The following PCDHB14 variants were observed in gnomAD, a reference collection of about 807,000 sequenced individuals.
PCDHB14 encodes protocadherin beta 14, also known as protocadherin beta-14.
For synonymous variants in PCDHB14, 511 were observed against 441.5 expected (o/e 1.16, Z -1.97); for missense variants, 1,129 against 1,000.5 (o/e 1.13, Z -1.73).
Position 141,223,689 on chromosome 5 carries a change from C to T in PCDHB14, c.184C>T (p.Arg62Cys). The change falls in exon 1 of 1, where the codon CGT (arginine) becomes TGT (cysteine). Residue 62 changes from arginine (R) to cysteine (C), a missense_variant. Coordinates refer to ENST00000239449, the MANE Select transcript of PCDHB14 (RefSeq NM_018934.4). The part of the protein sequence containing the change: ...LGLGVEELSS[R>C]EARVVSDDNK... ...GCTGGGGGTGGAGGAGCTGTCTTCA[C>T]GTGAAGCCCGGGTAGTGTCTGATGA... is the stretch of plus-strand genomic sequence containing the variant. 2 of 1,614,056 alleles carry T rather than the reference C, an allele frequency of 1.2e-6. No individual in the cohort carries two copies. The highest frequency in any genetic ancestry group is 1.7e-5 in the Admixed American group (1 of 60,010).
Position 141,224,591 on chromosome 5 carries a change from G to T in PCDHB14, c.1086G>T (p.Glu362Asp). ...ITKRIPENASETLVALFSILD... is the reference protein window; with the variant it reads ...ITKRIPENASDTLVALFSILD... ...AGAGAATTCCAGAGAATGCCTCAGA[G>T]ACCCTAGTAGCTCTTTTTAGTATCC... Residue 362 changes from glutamate to aspartate, a missense_variant, in exon 1 of 1, where the codon GAG (glutamate) becomes GAT (aspartate). Coordinates refer to ENST00000239449, the MANE Select transcript of PCDHB14 (RefSeq NM_018934.4). The T allele has an allele frequency of 6.2e-7, 1 of 1,613,614 alleles. No individual in the cohort carries two copies. Among genetic ancestry groups the T allele is most frequent in the Non-Finnish European group, 8.5e-7 (1 of 1,179,874 alleles).
chr5:141,225,096 G>T lies in PCDHB14; in HGVS notation c.1591G>T (p.Val531Leu), dbSNP rs1441304697. The change falls in exon 1 of 1, where the codon GTG becomes TTG. Residue 531 changes from valine (V) to leucine (L), a missense_variant. Physicochemically the swap from Val to Leu is conservative, Grantham distance 32. Coordinates refer to ENST00000239449, the MANE Select transcript of PCDHB14 (RefSeq NM_018934.4). ...YEALQEFEFR[V>L]GATDRGSPAL... Reference sequence around the variant, plus strand: ...GGCCCTACAGGAGTTCGAGTTTCGCGTGGGCGCCACAGACCGCGGGTCCCC... The same window carrying T: ...GGCCCTACAGGAGTTCGAGTTTCGCTTGGGCGCCACAGACCGCGGGTCCCC... The T allele has an allele frequency of 6.2e-7, 1 of 1,612,194 alleles. No individual in the cohort carries two copies. The highest frequency in any genetic ancestry group is 8.5e-7 in the Non-Finnish European group (1 of 1,179,862).
Position 141,226,051 on chromosome 5 carries a change from T to C in PCDHB14, c.*149T>C. 1 of 735,526 alleles carries C rather than the reference T, an allele frequency of 1.4e-6. No individual in the cohort carries two copies. Among genetic ancestry groups the C allele is most frequent in the Non-Finnish European group, 2.2e-6 (1 of 458,478 alleles). The allele number at this position is 735,526 out of a possible 1,614,324, so 45.6% of individuals were successfully genotyped here. On this transcript the variant is annotated 3_prime_UTR_variant, in exon 1 of 1. Coordinates refer to ENST00000239449, the MANE Select transcript of PCDHB14 (RefSeq NM_018934.4). ...CTCACAGTTTCTTTAAAAATCTTTA[T>C]TAGTGGCTATAATGACGTGGAAATG...
At position 141,223,519 on chromosome 5, in the gene PCDHB14, G is replaced by C. The variant is rs782340335; in HGVS notation, c.14G>C (p.Gly5Ala). MEIR[G>A]ALDLRKRQVL... ...CCTAAAGGAACCATGGAGATCAGAG[G>C]GGCACTCGATCTGCGAAAAAGGCAA... Residue 5 changes from glycine to alanine, a missense_variant, in exon 1 of 1, where the codon GGG (glycine) becomes GCG (alanine). Coordinates refer to ENST00000239449, the MANE Select transcript of PCDHB14 (RefSeq NM_018934.4). 1 of 1,609,332 alleles carries C rather than the reference G, an allele frequency of 6.2e-7. No individual in the cohort carries two copies. The highest frequency in any genetic ancestry group is 1.1e-5 in the South Asian group (1 of 90,468).
In PCDHB14 at chr5:141,224,233, C is replaced by T. The variant is rs782326988; in HGVS notation, c.728C>T (p.Pro243Leu). 18 of 1,613,590 alleles carry T rather than the reference C, an allele frequency of 1.1e-5. No individual in the cohort carries two copies. The highest frequency in any genetic ancestry group is 4.5e-5 in the East Asian group (2 of 44,894). The change falls in exon 1 of 1, where the codon CCT becomes CTT. Residue 243 changes from proline to leucine, a missense_variant. Physicochemically the swap from Pro to Leu is moderately conservative, Grantham distance 98. Transcript: ENST00000239449. ...ATCAATGATAATGCCCCTGAGTTTC[C>T]TCAGAGTCTCTATGAGGTGCAAGTC... ...LDINDNAPEF[P>L]QSLYEVQVPE...
At position 141,226,441 on chromosome 5, in the gene PCDHB14, A is replaced by C. The variant is rs1412904261; in HGVS notation, c.*539A>C. On this transcript the variant is annotated 3_prime_UTR_variant, in exon 1 of 1. Transcript: ENST00000239449. ...TTTATGATGAAACTTAAGTGGTCAC[A>C]TTGGAAATTATTAATTTCTTAAGTA... 6.6e-6 allele frequency: 1 copy of C among 152,518 alleles called. No individual in the cohort carries two copies. 9.4% of individuals were successfully genotyped at this position (152,518 alleles called of 1,614,324 possible).
At position 141,225,019 on chromosome 5, in the gene PCDHB14, C is replaced by T. The variant is rs781879174; in HGVS notation, c.1514C>T (p.Ser505Phe). The T allele has an allele frequency of 1.1e-5, 18 of 1,612,538 alleles. No individual in the cohort carries two copies. The Admixed American group carries it at 3.0e-4, about 27-fold the overall frequency. The change falls in exon 1 of 1, where the codon TCC (serine) becomes TTC (phenylalanine). Residue 505 changes from serine (S) to phenylalanine (F), a missense_variant. By Grantham distance (155) the Ser-to-Phe change is radical (BLOSUM62 -2). Coordinates refer to ENST00000239449, the MANE Select transcript of PCDHB14 (RefSeq NM_018934.4). ...DRHLPLASLV[S>F]INADNGHLFA... ...CACCTGCCCCTCGCCTCCTTGGTCT[C>T]CATCAACGCGGACAATGGCCACCTG...
Position 141,223,526 on chromosome 5 carries a change from C to T in PCDHB14, c.21C>T (p.Leu7=). The part of the protein sequence containing the change: MEIRGA[L]DLRKRQVLIF... The stretch of plus-strand genomic sequence containing the variant: ...GAACCATGGAGATCAGAGGGGCACT[C>T]GATCTGCGAAAAAGGCAAGTTCTAA... Residue 7 remains leucine (L), a synonymous_variant, in exon 1 of 1, where the codon CTC becomes CTT. Transcript: ENST00000239449. 1 of 1,610,790 alleles carries T rather than the reference C, an allele frequency of 6.2e-7. No homozygotes were observed. The highest frequency in any genetic ancestry group is 8.5e-7 in the Non-Finnish European group (1 of 1,177,776).
rs1554289646 is a variant in PCDHB14 at position 141,226,272 on chromosome 5, T to A, written c.*370T>A. The A allele has an allele frequency of 6.6e-5, 12 of 182,332 alleles. No homozygotes were observed. Among genetic ancestry groups the A allele is most frequent in the Non-Finnish European group, 3.8e-5 (3 of 78,910 alleles). The allele number at this position is 182,332 out of a possible 1,614,324, so 11.3% of individuals were successfully genotyped here. ...ACACCATCAAAGCATAAAATAAAAA[T>A]AAAAAGCGTTGCTGAATCTGGGTCG... On this transcript the variant is annotated 3_prime_UTR_variant, in exon 1 of 1. Transcript: ENST00000239449.
chr5:141,227,461 C>G lies in PCDHB14; in HGVS notation c.*1559C>G, dbSNP rs576759162. 3.9e-5 allele frequency: 6 copies of G among 152,182 alleles called. No homozygotes were observed. The highest frequency in any genetic ancestry group is 2.1e-4 in the South Asian group (1 of 4,822). The allele number at this position is 152,182 out of a possible 1,614,324, so 9.4% of individuals were successfully genotyped here. A position where few individuals can be genotyped will look rare whatever the true frequency, so the allele number is the denominator to read the frequency against. On this transcript the variant is annotated 3_prime_UTR_variant, in exon 1 of 1. Coordinates refer to ENST00000239449, the MANE Select transcript of PCDHB14 (RefSeq NM_018934.4). ...TATATCTCAGCTCTAAAAGAAAGTT[C>G]TATAGAAGATTATAGATAGAGATTT...
At position 141,223,471 on chromosome 5, in the gene PCDHB14, T is replaced by C; in HGVS notation, c.-35T>C. On this transcript the variant is annotated 5_prime_UTR_variant, in exon 1 of 1. Coordinates refer to ENST00000239449, the MANE Select transcript of PCDHB14 (RefSeq NM_018934.4). ...TCAGCTTCCAAAATTACGGCTGAGC[T>C]TCAGTTTTTCCACAAGAGATTGCCT... The C allele has an allele frequency of 6.7e-7, 1 of 1,502,960 alleles. No individual in the cohort carries two copies. 93.1% of individuals were successfully genotyped at this position (1,502,960 alleles called of 1,614,324 possible).
chr5:141,223,524 C>G lies in PCDHB14; in HGVS notation c.19C>G (p.Leu7Val), dbSNP rs577836299. Residue 7 changes from leucine to valine, a missense_variant, in exon 1 of 1, where the codon CTC becomes GTC. Leu to Val is a conservative substitution (Grantham distance 32). Coordinates refer to ENST00000239449, the MANE Select transcript of PCDHB14 (RefSeq NM_018934.4). ...AGGAACCATGGAGATCAGAGGGGCA[C>G]TCGATCTGCGAAAAAGGCAAGTTCT... The part of the protein sequence containing the change: MEIRGA[L>V]DLRKRQVLIF... The G allele has an allele frequency of 3.1e-6, 5 of 1,610,722 alleles. No homozygotes were observed. In the South Asian group the frequency reaches 3.3e-5, roughly 11 times the overall value.
Position 141,227,693 on chromosome 5 carries a change from A to G in PCDHB14, c.*1791A>G, listed in dbSNP as rs1554289751. ...TATCACTGATTTTATTTTTCGTTGT[A>G]ACAAGTAGTTATTTGTTGTGTGGAT... is the stretch of plus-strand genomic sequence containing the variant. On this transcript the variant is annotated 3_prime_UTR_variant, in exon 1 of 1. Transcript: ENST00000239449. 3 of 152,188 alleles carry G rather than the reference A, an allele frequency of 2.0e-5. No homozygotes were observed. The highest frequency in any genetic ancestry group is 4.4e-5 in the Non-Finnish European group (3 of 68,010). The allele number at this position is 152,188 out of a possible 1,614,324, so 9.4% of individuals were successfully genotyped here. A position where few individuals can be genotyped will look rare whatever the true frequency, so the allele number is the denominator to read the frequency against.
Position 141,225,007 on chromosome 5 carries a change from C to T in PCDHB14, c.1502C>T (p.Ala501Val), listed in dbSNP as rs781793575. The T allele has an allele frequency of 2.5e-6, 4 of 1,612,536 alleles. No homozygotes were observed. The highest frequency in any genetic ancestry group is 2.2e-5 in the East Asian group (1 of 44,892). The stretch of plus-strand genomic sequence containing the variant: ...CCCCAGGACCGGCACCTGCCCCTCG[C>T]CTCCTTGGTCTCCATCAACGCGGAC... The part of the protein sequence containing the change: ...LPPQDRHLPL[A>V]SLVSINADNG... Residue 501 changes from alanine to valine, a missense_variant, in exon 1 of 1, where the codon GCC (alanine) becomes GTC (valine). Ala to Val is a moderately conservative substitution (Grantham distance 64). Transcript: ENST00000239449.
rs782319714 is a variant in PCDHB14, at chr5:141,224,932, C to T, written c.1427C>T (p.Thr476Ile). The part of the protein sequence containing the change: ...PALHIGSVSA[T>I]DRDSGTNAQV... Reference sequence around the variant, plus strand: ...CTGCACATCGGCAGCGTCAGCGCCACAGACAGAGACTCAGGCACCAACGCC... The same window carrying T: ...CTGCACATCGGCAGCGTCAGCGCCATAGACAGAGACTCAGGCACCAACGCC... Residue 476 changes from threonine (T) to isoleucine (I), a missense_variant, in exon 1 of 1, where the codon ACA becomes ATA. Physicochemically the swap from Thr to Ile is moderately conservative, Grantham distance 89. Coordinates refer to ENST00000239449, the MANE Select transcript of PCDHB14 (RefSeq NM_018934.4). 3.7e-6 allele frequency: 6 copies of T among 1,612,840 alleles called. No individual in the cohort carries two copies. Among genetic ancestry groups the T allele is most frequent in the Non-Finnish European group, 5.1e-6 (6 of 1,180,026 alleles).
chr5:141,225,994 T>C lies in PCDHB14; in HGVS notation c.*92T>C. On this transcript the variant is annotated 3_prime_UTR_variant, in exon 1 of 1. Coordinates refer to ENST00000239449, the MANE Select transcript of PCDHB14 (RefSeq NM_018934.4). ...CTTTTGTGGATTCTTGGTTGTACTG[T>C]AGTTGCATGCATGATTATAGCTCTT... 2 of 1,130,240 alleles carry C rather than the reference T, an allele frequency of 1.8e-6. No homozygotes were observed. The allele number at this position is 1,130,240 out of a possible 1,614,324, so 70.0% of individuals were successfully genotyped here.
Position 141,223,413 on chromosome 5 carries a change from C to A in PCDHB14, c.-93C>A. ...GCCTACAGAGCTGCTGGAGGATACA[C>A]TCTCCAGGGGGTTCCTGTTAAAAAC... On this transcript the variant is annotated 5_prime_UTR_variant, in exon 1 of 1. Transcript: ENST00000239449. 1 of 883,826 alleles carries A rather than the reference C, an allele frequency of 1.1e-6. No individual in the cohort carries two copies. The highest frequency in any genetic ancestry group is 1.8e-6 in the Non-Finnish European group (1 of 558,320). 54.7% of individuals were successfully genotyped at this position (883,826 alleles called of 1,614,324 possible). A position where few individuals can be genotyped will look rare whatever the true frequency, so the allele number is the denominator to read the frequency against.
At position 141,225,719 on chromosome 5, in the gene PCDHB14, C is replaced by A. The variant is rs775487652; in HGVS notation, c.2214C>A (p.Asp738Glu). ...PEGPFPGHLVDVSGTGTLSQS... is the reference protein window; with the variant it reads ...PEGPFPGHLVEVSGTGTLSQS... ...GTCCCTTTCCAGGGCATCTGGTGGA[C>A]GTGAGCGGCACCGGGACCCTGTCCC... Residue 738 changes from aspartate to glutamate, a missense_variant, in exon 1 of 1, where the codon GAC (aspartate) becomes GAA (glutamate). Transcript: ENST00000239449. The A allele has an allele frequency of 6.2e-7, 1 of 1,614,184 alleles. No homozygotes were observed. Among genetic ancestry groups the A allele is most frequent in the Non-Finnish European group, 8.5e-7 (1 of 1,180,038 alleles).
In PCDHB14 at chr5:141,227,388, G is replaced by T. The variant is rs1754881387; in HGVS notation, c.*1486G>T. 6.6e-6 allele frequency: 1 copy of T among 152,118 alleles called. No homozygotes were observed. The highest frequency in any genetic ancestry group is 1.5e-5 in the Non-Finnish European group (1 of 68,032). The allele number at this position is 152,118 out of a possible 1,614,324, so 9.4% of individuals were successfully genotyped here. Reference sequence around the variant, plus strand: ...CCTCTCTCAGATGCCTACAAAGAAGGAATGGGTAGGCATTTATGGTTTATA... The same window carrying T: ...CCTCTCTCAGATGCCTACAAAGAAGTAATGGGTAGGCATTTATGGTTTATA... On this transcript the variant is annotated 3_prime_UTR_variant, in exon 1 of 1. Coordinates refer to ENST00000239449, the MANE Select transcript of PCDHB14 (RefSeq NM_018934.4).
Sources: gnomAD v4.1 joint callset for allele counts on GRCh38, gnomAD v4.1.1 for gene constraint, MANE v1.5 for transcripts, NCBI Gene and HGNC (gene_info 2026-07-23, HGNC 2026-07-21) for gene names.